The following DLGAP2 variants were observed in gnomAD, a reference collection of about 807,000 sequenced individuals.
The protein encoded by DLGAP2 is disks large-associated protein 2.
In DLGAP2, 26 loss-of-function variants were observed where a neutral mutation model predicts 100.3. The observed-to-expected ratio is 0.26, with a 90% CI of 0.19 to 0.36. The LOEUF is 0.36. Ranked by LOEUF, DLGAP2 falls within the 10% of genes least tolerant of loss-of-function variation. DLGAP2 has a pLI of 1.00. For missense variants in DLGAP2, 1,858 were observed against 1,453.2 expected, an observed-to-expected ratio of 1.28 and a Z score of -4.53; for synonymous variants, 886 against 630.1, an observed-to-expected ratio of 1.41 and a Z score of -6.08.
chr8:1,237,392 G>A (rs1436189498), intron 2 of DLGAP2, among the ~76,000 whole-genome samples: 1 of 101,604 alleles, frequency 9.8e-6, no homozygotes, highest in Non-Finnish European at 1.9e-5. Flanking sequence ...CTCACATGGC[G>A]CCGTGTCTAG....
intron 1 of DLGAP2, among the ~76,000 whole-genome samples, chr8:854,792 T>G (rs1797246256): frequency 6.6e-6 from 1 of 152,122 alleles, no homozygotes; most frequent in African/African-American, 2.4e-5. Context: ...GAATGTGGTT[T>G]TGGAAATACT....
chr8:769,607 G>A (rs2132604302), intron 1 of DLGAP2, among the ~76,000 whole-genome samples: 1 of 152,280 alleles, frequency 6.6e-6, no homozygotes, highest in Middle Eastern at 3.4e-3. Context: ...ATTTTGATGA[G>A]TTACAGACAT....
At chr8:1,115,945 A>T (rs190176479) in intron 2 of DLGAP2, among the ~76,000 whole-genome samples, 3 of 152,206 alleles carry the variant, frequency 2.0e-5, no homozygotes, top group African/African-American at 7.2e-5. Context: ...ATCTTCTAGA[A>T]GGCATGAGAG....
At chr8:1,372,728 CTG>C (rs1370163413) in intron 3 of DLGAP2, among the ~76,000 whole-genome samples, 1 of 152,194 alleles carries the variant, frequency 6.6e-6, no homozygotes, top group African/African-American at 2.4e-5. Context: ...AGAGATAAAA[CTG>C]TGATATATTT....
chr8:1,667,988 G>T (rs146455630), intron 8 of DLGAP2, among the ~76,000 whole-genome samples: 3 of 152,052 alleles, frequency 2.0e-5, no homozygotes, highest in African/African-American at 7.2e-5. Context: ...CCACACCTGC[G>T]CACTGTCCTG....
intron 1 of DLGAP2, among the ~76,000 whole-genome samples, chr8:800,150 C>G (rs1392069403): frequency 2.6e-5 from 4 of 152,104 alleles, no homozygotes; most frequent in African/African-American, 9.7e-5. Flanking sequence ...AAGTGGAGCT[C>G]CTGAGGATAT....
At chr8:1,533,329 T>C (rs1801047415) in intron 4 of DLGAP2, among the ~76,000 whole-genome samples, 1 of 151,842 alleles carries the variant, frequency 6.6e-6, no homozygotes. Context: ...AAACCCCGTC[T>C]CTACTAAAAA....
At chr8:1,188,455 C>G (rs1438448946) in intron 2 of DLGAP2, among the ~76,000 whole-genome samples, 1 of 135,102 alleles carries the variant, frequency 7.4e-6, no homozygotes, top group African/African-American at 3.4e-5. Context: ...GTTTCCCTCA[C>G]GGAATCTCGC....
At chr8:1,494,602 G>A (rs1447240706) in intron 3 of DLGAP2, among the ~76,000 whole-genome samples, 1 of 152,096 alleles carries the variant, frequency 6.6e-6, no homozygotes, top group Non-Finnish European at 1.5e-5. Context: ...GGTGTCAGGC[G>A]CCTGTAGTCT....
At chr8:1,571,307 G>A (rs111612388) in intron 6 of DLGAP2, among the ~76,000 whole-genome samples, 6 of 141,356 alleles carry the variant, frequency 4.2e-5, no homozygotes, top group African/African-American at 8.0e-5. Flanking sequence ...TGAACTGTGC[G>A]GGCATCTGAT....
At chr8:1,264,899 C>T (rs1021481906) in intron 3 of DLGAP2, among the ~76,000 whole-genome samples, 1 of 152,068 alleles carries the variant, frequency 6.6e-6, no homozygotes, top group African/African-American at 2.4e-5. Flanking sequence ...GTGAATAAGC[C>T]TCATGAGATG....
At chr8:953,597 T>A (rs979197428) in intron 2 of DLGAP2, among the ~76,000 whole-genome samples, 7 of 152,252 alleles carry the variant, frequency 4.6e-5, no homozygotes, top group Non-Finnish European at 8.8e-5. Flanking sequence ...GATTCTTTTT[T>A]AAAAATAGAA....
intron 8 of DLGAP2, among the ~76,000 whole-genome samples, chr8:1,634,035 A>C (rs1339495285): frequency 6.6e-6 from 1 of 152,240 alleles, no homozygotes; most frequent in East Asian, 1.9e-4. Context: ...TAGAAATTGC[A>C]GTCGGCACTA....
chr8:1,650,775 G>A (rs55645694), intron 8 of DLGAP2, among the ~76,000 whole-genome samples: 1 of 147,236 alleles, frequency 6.8e-6, no homozygotes, highest in Non-Finnish European at 1.5e-5. Context: ...TTGGGTGGCA[G>A]TTGCTGGAGC....
chr8:1,183,095 AATGC>A (rs1202055896), intron 2 of DLGAP2, among the ~76,000 whole-genome samples: 1 of 152,034 alleles, frequency 6.6e-6, no homozygotes, highest in Non-Finnish European at 1.5e-5. Flanking sequence ...GGATGACACA[AATGC>A]ATTCACGTTC....
At position 1,105,736 on chromosome 8, in the gene DLGAP2, G is replaced by A. The variant is rs140002369; in HGVS notation, c.74-153115G>A. Among the ~76,000 whole-genome samples, 97 of 150,378 alleles carry A rather than the reference G, an allele frequency of 6.5e-4. 1 individual carries two copies. The East Asian group carries it at 0.012, about 18-fold the overall frequency. ...CTAAGAGGGTTTTCTACTTAAGGGGGCCATTCTAGGAGGGTTTTCTACTGA... is the reference window on the plus strand; with the variant it reads ...CTAAGAGGGTTTTCTACTTAAGGGGACCATTCTAGGAGGGTTTTCTACTGA... On this transcript the variant is annotated intron_variant, in intron 2 of 14. Coordinates refer to ENST00000637795, the MANE Select transcript of DLGAP2 (RefSeq NM_001346810.2).
intron 2 of DLGAP2, among the ~76,000 whole-genome samples, chr8:1,210,580 T>A (rs532106473): frequency 6.5e-4 from 99 of 152,246 alleles, no homozygotes; most frequent in African/African-American, 2.3e-3. Flanking sequence ...ACAGAGAAGT[T>A]TCTCTGGCAG....
chr8:995,754 A>G, intron 2 of DLGAP2, among the ~76,000 whole-genome samples: 1 of 152,224 alleles, frequency 6.6e-6, no homozygotes, highest in East Asian at 1.9e-4. Context: ...AATCTTATTT[A>G]TGAAAAGTAG....
chr8:988,980 C>T (rs1263851455), intron 2 of DLGAP2, among the ~76,000 whole-genome samples: 7 of 152,178 alleles, frequency 4.6e-5, no homozygotes, highest in African/African-American at 1.4e-4. Context: ...ACCTCCTCTC[C>T]GTCGCTGCCT....
Sources: allele counts gnomAD v4.1 joint callset (sites outside exome capture counted in the v4.1 genomes callset), GRCh38; gene constraint gnomAD v4.1.1; transcripts MANE v1.5; gene names NCBI Gene and HGNC (gene_info 2026-07-23, HGNC 2026-07-21).